Variants in ATRX observed in about 807,000 individuals in gnomAD.
The protein encoded by ATRX is chromatin remodeler ATRX.
Under a neutral mutation model 172.6 loss-of-function variants are expected in ATRX, and 12 were observed. The ratio of observed to expected loss-of-function variants is 0.07; its 90% CI spans 0.04 to 0.11. ATRX has a LOEUF of 0.11. Among genes scored for constraint, ATRX ranks in the 10% least tolerant of loss-of-function variants. ATRX has a pLI of 1.00. For missense variants in ATRX, 1,368 were observed against 1,767.4 expected (o/e 0.77, Z 4.05); for synonymous variants, 674 against 594.7 (o/e 1.13, Z -1.94).
At chrX:77,659,794 C>A (rs1423080759) in intron 12 of ATRX, among the ~76,000 whole-genome samples, 2 of 111,701 alleles carry the variant, frequency 1.8e-5, no homozygotes, top group African/African-American at 3.3e-5. Context: ...TTTAATTCAA[C>A]TAGATTTAAT....
chrX:77,737,917 T>C lies in ATRX; in HGVS notation c.21-20674A>G, dbSNP rs1192731618. Among the ~76,000 whole-genome samples, 3 of 112,004 alleles carry C rather than the reference T, an allele frequency of 2.7e-5. No homozygotes were observed. The East Asian group carries it at 8.4e-4, about 31-fold the overall frequency. The stretch of plus-strand genomic sequence containing the variant: ...ATGTCTTTGGTTTTCTTACTAACCT[T>C]ACCAAATTCTAACATGTACATTTAA... On this transcript the variant is annotated intron_variant, in intron 1 of 34. Transcript: ENST00000373344.
At chrX:77,588,330 G>A (rs2066108390) in intron 27 of ATRX, among the ~76,000 whole-genome samples, 1 of 112,328 alleles carries the variant, frequency 8.9e-6, no homozygotes, top group Non-Finnish European at 1.9e-5. Context: ...ACTCTTTTAA[G>A]CAAACACAGG....
chrX:77,519,226 C>T (rs139571782), intron 34 of ATRX, among the ~76,000 whole-genome samples: 2,070 of 111,035 alleles, frequency 0.019, 40 homozygotes, highest in African/African-American at 0.063. Context: ...CCACAGAATG[C>T]GAGAAAATAT....
intron 1 of ATRX, among the ~76,000 whole-genome samples, chrX:77,759,368 A>C (rs936315806): frequency 9.0e-5 from 10 of 110,928 alleles, no homozygotes; most frequent in African/African-American, 2.6e-4. Context: ...TAAAAAAAAA[A>C]AACAACAACT....
At chrX:77,539,343 G>A (rs980519513) in intron 30 of ATRX, among the ~76,000 whole-genome samples, 1 of 110,622 alleles carries the variant, frequency 9.0e-6, no homozygotes, top group African/African-American at 3.3e-5. Context: ...TCCCATACTG[G>A]TTTTTAAAAA....
intron 28 of ATRX, among the ~76,000 whole-genome samples, chrX:77,562,764 C>G (rs1294066758): frequency 8.9e-6 from 1 of 111,871 alleles, no homozygotes; most frequent in Non-Finnish European, 1.9e-5. Context: ...CCAGGCTGGT[C>G]TTGAACCCAT....
chrX:77,587,648 T>G (rs782457654), intron 27 of ATRX, among the ~76,000 whole-genome samples: 6 of 111,838 alleles, frequency 5.4e-5, no homozygotes, highest in Non-Finnish European at 9.4e-5. Context: ...GCCATTCAGA[T>G]TAGAAAGGAA....
chrX:77,526,748 C>G (rs1251861701), intron 30 of ATRX, among the ~76,000 whole-genome samples: 1 of 112,395 alleles, frequency 8.9e-6, no homozygotes, highest in East Asian at 2.8e-4. Context: ...ATACCACGCA[C>G]TATTTTACCA....
chrX:77,696,632 T>C lies in ATRX; in HGVS notation c.315A>G (p.Glu105=). The change falls in exon 5 of 35, where the codon GAA becomes GAG. Residue 105 remains glutamate, a synonymous_variant. Transcript: ENST00000373344. ...TTTCTGAATTTTCATTAGACGCATC[T>C]TCATTTACAGTTTCATCATCCAAAG... The part of the protein sequence containing the change: ...EKPLDDETVN[E]DASNENSEND... 1 of 1,202,239 alleles carries C rather than the reference T, an allele frequency of 8.3e-7. No individual in the cohort carries two copies.
rs2148597855 is a variant in ATRX at position 77,682,819 on chromosome X, C to G, written c.2437G>C (p.Glu813Gln). The G allele has an allele frequency of 8.3e-7, 1 of 1,209,109 alleles. No homozygotes were observed. Among genetic ancestry groups the G allele is most frequent in the Non-Finnish European group, 1.1e-6 (1 of 894,701 alleles). Residue 813 changes from glutamate (E) to glutamine (Q), a missense_variant, in exon 9 of 35, where the codon GAG (glutamate) becomes CAG (glutamine). By Grantham distance (29) the Glu-to-Gln change is conservative. This residue lies in a region of ATRX where 843 missense variants were observed against 643.1 expected (regional missense o/e 1.31). Transcript: ENST00000373344. ...ISKKKRQTQS[E>Q]SSNYDSELEK... ...AATTCTGAGTCATAATTAGAAGACT[C>G]AGACTGGGTTTGTCGTTTCTTTTTA...
At chrX:77,619,042 T>A in intron 20 of ATRX, 61 bp from the exon 21 acceptor site, 4 of 865,184 alleles carry the variant, frequency 4.6e-6, no homozygotes, top group Non-Finnish European at 6.7e-6. Flanking sequence ...CTTAGAAAAA[T>A]TCCCCAATGA....
chrX:77,703,668 C>T (rs2072658693), intron 2 of ATRX, among the ~76,000 whole-genome samples: 1 of 112,334 alleles, frequency 8.9e-6, no homozygotes, highest in African/African-American at 3.2e-5. Flanking sequence ...ATGTCTCAGC[C>T]CTGTTTGTGT....
chrX:77,522,537 G>A lies in ATRX; in HGVS notation c.6850-149C>T, dbSNP rs1296136125. ...CACAAACAAAACACCCTTTTCACCCGAAACCAAGATCTTATTACAAGGAAA... is the reference window on the plus strand; with the variant it reads ...CACAAACAAAACACCCTTTTCACCCAAAACCAAGATCTTATTACAAGGAAA... On this transcript the variant is annotated intron_variant, in intron 31 of 34. Transcript: ENST00000373344. 13 of 644,130 alleles carry A rather than the reference G, an allele frequency of 2.0e-5. No individual in the cohort carries two copies. The South Asian group carries it at 2.6e-4, about 13-fold the overall frequency. The allele number at this position is 644,130 out of a possible 1,213,427, so 53.1% of individuals were successfully genotyped here.
At chrX:77,610,683 A>G (rs782105996) in intron 22 of ATRX, among the ~76,000 whole-genome samples, 1 of 110,740 alleles carries the variant, frequency 9.0e-6, no homozygotes, top group African/African-American at 3.3e-5. Context: ...ATTTCACAGA[A>G]ATGGGTACTA....
Position 77,697,563 on chromosome X carries a change from T to C in ATRX, c.242+20A>G, listed in dbSNP as rs1485801546. Reference sequence around the variant, plus strand: ...ACCTGAAAAAGAAAATAACTTTTTGTCCCTTCAACATCAACCAACCTCTTT... The same window carrying C: ...ACCTGAAAAAGAAAATAACTTTTTGCCCCTTCAACATCAACCAACCTCTTT... On this transcript the variant is annotated intron_variant, in intron 4 of 34. Coordinates refer to ENST00000373344, the MANE Select transcript of ATRX (RefSeq NM_000489.6). 1.7e-6 allele frequency: 2 copies of C among 1,206,659 alleles called. No individual in the cohort carries two copies. Among genetic ancestry groups the C allele is most frequent in the African/African-American group, 3.5e-5 (2 of 57,736 alleles).
chrX:77,718,243 C>T (rs1291998499), intron 1 of ATRX, among the ~76,000 whole-genome samples: 2 of 109,472 alleles, frequency 1.8e-5, no homozygotes, highest in African/African-American at 6.6e-5. Context: ...TTATTCCATC[C>T]TCTGCTTGAC....
At chrX:77,767,297 G>A (rs550456049) in intron 1 of ATRX, among the ~76,000 whole-genome samples, 1 of 109,565 alleles carries the variant, frequency 9.1e-6, no homozygotes, top group South Asian at 3.9e-4. Context: ...GAGGTAGAGG[G>A]AGCCTCATTT....
chrX:77,663,627 T>C, intron 11 of ATRX, 69 bp from the exon 12 acceptor site: 1 of 944,552 alleles, frequency 1.1e-6, no homozygotes, highest in Non-Finnish European at 1.5e-6. Flanking sequence ...CTATTTTGCC[T>C]GTTGACAACT....
rs2148597339 is a variant in ATRX, at chrX:77,682,801, A to T, written c.2455T>A (p.Ser819Thr). Residue 819 changes from serine to threonine, a missense_variant, in exon 9 of 35, where the codon TCA becomes ACA. Coordinates refer to ENST00000373344, the MANE Select transcript of ATRX (RefSeq NM_000489.6). ...QTQSESSNYD[S>T]ELEKEIKSMS... ...CTCTTTATCTCTTTTTCTAATTCTGAGTCATAATTAGAAGACTCAGACTGG... is the reference window on the plus strand; with the variant it reads ...CTCTTTATCTCTTTTTCTAATTCTGTGTCATAATTAGAAGACTCAGACTGG... 3.3e-6 allele frequency: 4 copies of T among 1,209,417 alleles called. No individual in the cohort carries two copies. Among genetic ancestry groups the T allele is most frequent in the Non-Finnish European group, 4.5e-6 (4 of 894,673 alleles).
Sources: gnomAD v4.1 joint callset for allele counts (sites outside exome capture counted in the v4.1 genomes callset) on GRCh38, gnomAD v4.1.1 for gene constraint, gnomAD v4.1.1 regional missense constraint, MANE v1.5 for transcripts, NCBI Gene and HGNC (gene_info 2026-07-23, HGNC 2026-07-21) for gene names.